Variants in RSPO4 observed in about 807,000 individuals in gnomAD.
RSPO4 encodes the protein R-spondin 4, also known as R-spondin-4.
A neutral mutation model predicts 24.8 loss-of-function variants in RSPO4; 23 were observed. That is an observed-to-expected ratio of 0.93 (90% confidence interval 0.67 to 1.31). RSPO4 has a LOEUF of 1.31. RSPO4 is among the 40% of genes most tolerant of loss of function. The pLI is 0.00. For synonymous variants in RSPO4, 141 were observed against 127.4 expected (o/e 1.11, Z -0.72); for missense variants, 333 against 316.5 (o/e 1.05, Z -0.39).
At chr20:963,425 C>G (rs763721271) in intron 4 of RSPO4, among the ~76,000 whole-genome samples, 2 of 152,148 alleles carry the variant, frequency 1.3e-5, no homozygotes, top group Non-Finnish European at 2.9e-5. Flanking sequence ...GAAATCGCAT[C>G]TCTGATGGCG....
intron 1 of RSPO4, among the ~76,000 whole-genome samples, chr20:980,295 T>C (rs1984695757): frequency 1.3e-5 from 2 of 152,106 alleles, no homozygotes; most frequent in Non-Finnish European, 2.9e-5. Flanking sequence ...CAGTCCTCCA[T>C]GCAGAGTCCC....
At chr20:990,462 TTTCC>T (rs978734336) in intron 1 of RSPO4, among the ~76,000 whole-genome samples, 26 of 150,478 alleles carry the variant, frequency 1.7e-4, no homozygotes, top group East Asian at 3.9e-4. Flanking sequence ...CTCTTTTCTT[TTTCC>T]TTCCTTCCTT....
At chr20:986,338 G>A (rs935300891) in intron 1 of RSPO4, among the ~76,000 whole-genome samples, 3 of 152,092 alleles carry the variant, frequency 2.0e-5, no homozygotes, top group Non-Finnish European at 4.4e-5. Context: ...GCAGCATCAG[G>A]GTAGTGACAG....
At chr20:968,263 C>CTACATTTCCCACCTTCCCT in intron 1 of RSPO4, 125 bp from the exon 2 acceptor site, 1 of 784,610 alleles carries the variant, frequency 1.3e-6, no homozygotes, top group Non-Finnish European at 2.1e-6. Context: ...AAACAAAAGA[C>CTACATTTCCCACCTTCCCT]TACATTTCCC....
chr20:997,184 T>C (rs939204135), intron 1 of RSPO4, among the ~76,000 whole-genome samples: 2 of 152,170 alleles, frequency 1.3e-5, no homozygotes, highest in Admixed American at 1.3e-4. Flanking sequence ...TCCTGGCACA[T>C]GGCCCGCCTC....
intron 1 of RSPO4, among the ~76,000 whole-genome samples, chr20:989,298 C>T (rs1985019005): frequency 6.6e-6 from 1 of 152,038 alleles, no homozygotes; most frequent in African/African-American, 2.4e-5. Context: ...CACCTTGACC[C>T]TAGGAAGGCC....
chr20:972,042 T>A (rs1984424861), intron 1 of RSPO4, among the ~76,000 whole-genome samples: 1 of 152,184 alleles, frequency 6.6e-6, no homozygotes, highest in African/African-American at 2.4e-5. Flanking sequence ...CACTCTCCCC[T>A]CATCCTCAGT....
rs750184862 is a variant in RSPO4 at position 960,442 on chromosome 20, C to T, written c.620G>A (p.Gly207Asp). The change falls in exon 5 of 5, where the codon GGC becomes GAC. Residue 207 changes from glycine (G) to aspartate (D), a missense_variant. By Grantham distance (94) the Gly-to-Asp change is moderately conservative (BLOSUM62 -1). Transcript: ENST00000217260. ...PGERSPGQKKGRKDRRPRKDR... is the reference protein window; with the variant it reads ...PGERSPGQKKDRKDRRPRKDR... ...CTTGCGTGGGCGCCGGTCCTTCCTG[C>T]CCTTCTTCTGGCCGGGGCTCCTCTC... 71 of 1,539,546 alleles carry T rather than the reference C, an allele frequency of 4.6e-5. No individual in the cohort carries two copies. The African/African-American group carries it at 8.1e-4, about 18-fold the overall frequency.
At chr20:980,038 C>T (rs997397414) in intron 1 of RSPO4, among the ~76,000 whole-genome samples, 1 of 152,188 alleles carries the variant, frequency 6.6e-6, no homozygotes, top group African/African-American at 2.4e-5. Context: ...TCTCACTTAA[C>T]CAATTCTTTG....
chr20:997,690 C>G lies in RSPO4; in HGVS notation c.79+4396G>C, dbSNP rs550916714. ...AGGGCCTGGTGCATCTGTCTGTGTACAGGAGACAGTGCTGTCTGCCTGGCC... is the reference window on the plus strand; with the variant it reads ...AGGGCCTGGTGCATCTGTCTGTGTAGAGGAGACAGTGCTGTCTGCCTGGCC... On this transcript the variant is annotated intron_variant, in intron 1 of 4. Coordinates refer to ENST00000217260, the MANE Select transcript of RSPO4 (RefSeq NM_001029871.4). Among the ~76,000 whole-genome samples, 32 of 152,354 alleles carry G rather than the reference C, an allele frequency of 2.1e-4. 2 individuals carry two copies. The South Asian group carries it at 6.6e-3, about 32-fold the overall frequency.
intron 4 of RSPO4, among the ~76,000 whole-genome samples, chr20:962,134 C>T (rs1984018128): frequency 6.6e-6 from 1 of 152,216 alleles, no homozygotes. Flanking sequence ...AGATAAAGCC[C>T]TTGCCGTCAC....
intron 3 of RSPO4, among the ~76,000 whole-genome samples, chr20:965,223 G>C (rs1278519732): frequency 6.6e-6 from 1 of 152,088 alleles, no homozygotes; most frequent in East Asian, 1.9e-4. Context: ...TTGTAGGGGA[G>C]GAAACCCCTG....
At chr20:973,266 G>T (rs1040509635) in intron 1 of RSPO4, among the ~76,000 whole-genome samples, 2 of 152,202 alleles carry the variant, frequency 1.3e-5, no homozygotes, top group Admixed American at 6.5e-5. Flanking sequence ...GAGATAAGGG[G>T]TCAAGATGGA....
At position 984,892 on chromosome 20, in the gene RSPO4, TATCCATCCCCATCCATCCATCC is replaced by T. The variant is rs1475965558; in HGVS notation, c.80-16776_80-16755del. Among the ~76,000 whole-genome samples the T allele has an allele frequency of 2.2e-4, 30 of 137,204 alleles. No homozygotes were observed. In the East Asian group the frequency reaches 6.2e-3, roughly 28 times the overall value. The allele number at this position is 137,204 out of a possible 152,430, so 90.0% of individuals were successfully genotyped here. ...CCACCTACCCATCTGCCCACCCATC[TATCCATCCCCATCCATCCATCC>T]ATCCATCCCCATCCATCCATCCATC... On this transcript the variant is annotated intron_variant, in intron 1 of 4. Coordinates refer to ENST00000217260, the MANE Select transcript of RSPO4 (RefSeq NM_001029871.4).
chr20:963,507 T>C (rs530160239), intron 4 of RSPO4, among the ~76,000 whole-genome samples: 1 of 152,258 alleles, frequency 6.6e-6, no homozygotes, highest in South Asian at 2.1e-4. Flanking sequence ...TAAGTGTCTG[T>C]TGGTATGTTG....
chr20:1,001,125 T>C (rs1460200937), intron 1 of RSPO4, among the ~76,000 whole-genome samples: 2 of 152,238 alleles, frequency 1.3e-5, no homozygotes, highest in Admixed American at 1.3e-4. Context: ...TTATTAAAAC[T>C]GGACGACCCC....
At chr20:972,929 A>T (rs915233962) in intron 1 of RSPO4, among the ~76,000 whole-genome samples, 1 of 152,318 alleles carries the variant, frequency 6.6e-6, no homozygotes, top group Middle Eastern at 3.4e-3. Context: ...AATTAATTTA[A>T]ATTACAGAAA....
intron 1 of RSPO4, 42 bp from the exon 2 acceptor site, chr20:968,180 A>G (rs372551141): frequency 7.6e-6 from 12 of 1,584,548 alleles, no homozygotes; most frequent in Non-Finnish European, 7.8e-6. Context: ...AAAGGGAGAG[A>G]GAGATGGTCA....
At chr20:977,796 CTTGGGG>C (rs1984610921) in intron 1 of RSPO4, among the ~76,000 whole-genome samples, 1 of 152,178 alleles carries the variant, frequency 6.6e-6, no homozygotes, top group African/African-American at 2.4e-5. Context: ...CTGCTCTGTC[CTTGGGG>C]AGGACCCAGA....
Sources: gnomAD v4.1 joint callset for allele counts (sites outside exome capture counted in the v4.1 genomes callset) on GRCh38, gnomAD v4.1.1 for gene constraint, MANE v1.5 for transcripts, NCBI Gene and HGNC (gene_info 2026-07-23, HGNC 2026-07-21) for gene names.